The following UGT2A3 variants were observed in gnomAD, a reference collection of about 807,000 sequenced individuals.
UGT2A3 encodes the protein UDP glucuronosyltransferase family 2 member A3, also known as UDP-glucuronosyltransferase 2A3.
Under a neutral mutation model 44.1 loss-of-function variants are expected in UGT2A3, and 55 were observed. The ratio of observed to expected loss-of-function variants is 1.25; its 90% CI spans 1.00 to 1.56. The LOEUF is 1.56. Ranked by LOEUF, UGT2A3 falls within the 40% of genes most tolerant of loss-of-function variation. The probability of loss-of-function intolerance (pLI) is 0.00; values close to 1 mark genes in which losing one functional copy is unlikely to be tolerated. For missense variants in UGT2A3, 733 were observed against 621.6 expected (o/e 1.18, Z -1.91); for synonymous variants, 243 against 215.1 (o/e 1.13, Z -1.13).
intron 1 of UGT2A3, among the ~76,000 whole-genome samples, chr4:68,947,332 A>G (rs937864414): frequency 6.6e-6 from 1 of 151,814 alleles, no homozygotes; most frequent in African/African-American, 2.4e-5. Context: ...TATAAAAAGT[A>G]ACTGTTTAAA....
chr4:68,946,939 A>G (rs1718404862), intron 1 of UGT2A3, among the ~76,000 whole-genome samples: 2 of 151,728 alleles, frequency 1.3e-5, no homozygotes, highest in African/African-American at 4.8e-5. Context: ...AGTATGGCTA[A>G]AAAGTGCTAA....
Position 68,945,383 on chromosome 4 carries a change from CA to C in UGT2A3, c.786del (p.Phe262LeufsTer84). 1 of 1,611,462 alleles carries C rather than the reference CA, an allele frequency of 6.2e-7. No individual in the cohort carries two copies. The highest frequency in any genetic ancestry group is 1.1e-5 in the South Asian group (1 of 90,980). ...EIWLIRTYWDFEFPQPYQPNF... is the reference protein window; with the variant it reads ...EIWLIRTYWDXEFPQPYQPNF... ...TTAGGTTGGTATGGTTGAGGAAATT[CA>C]AAATCCCAATATGTTCGTATTAGCC... On this transcript the variant is annotated frameshift_variant, in exon 2 of 6. Transcript: ENST00000251566. LOFTEE classifies it high-confidence loss of function.
chr4:68,933,434 TCCATCC>T (rs1238042210), intron 2 of UGT2A3, among the ~76,000 whole-genome samples: 3 of 152,034 alleles, frequency 2.0e-5, no homozygotes, highest in African/African-American at 4.8e-5. Context: ...CCTTCTATGT[TCCATCC>T]CACAGGAGGT....
chr4:68,951,781 CTG>C lies in UGT2A3; in HGVS notation c.-23_-22del. On this transcript the variant is annotated 5_prime_UTR_variant, in exon 1 of 6. It adds an upstream start codon to the 5' untranslated region. Transcript: ENST00000251566. ...CTCATGATGGCAGTTCCCTCACACA[CTG>C]ATCTGCAATGGTTTTGTAGTTACTA... The C allele has an allele frequency of 6.5e-7, 1 of 1,532,642 alleles. No homozygotes were observed. The highest frequency in any genetic ancestry group is 8.8e-7 in the Non-Finnish European group (1 of 1,135,014). 94.9% of individuals were successfully genotyped at this position (1,532,642 alleles called of 1,614,324 possible).
intron 3 of UGT2A3, 38 bp downstream of exon 3, chr4:68,932,590 G>A (rs1194357972): frequency 6.3e-7 from 1 of 1,579,552 alleles, no homozygotes; most frequent in African/African-American, 1.4e-5. Flanking sequence ...GTTTCATTAT[G>A]TGAATAGCTG....
chr4:68,944,876 C>T (rs941811448), intron 2 of UGT2A3, among the ~76,000 whole-genome samples: 7 of 151,656 alleles, frequency 4.6e-5, no homozygotes, highest in Non-Finnish European at 8.9e-5. Context: ...TCCTTCATCA[C>T]TTATTTTCTC....
At position 68,942,339 on chromosome 4, in the gene UGT2A3, CTA is replaced by C. The variant is rs1553902025; in HGVS notation, c.864+2965_864+2966del. On this transcript the variant is annotated intron_variant, in intron 2 of 5. Coordinates refer to ENST00000251566, the MANE Select transcript of UGT2A3 (RefSeq NM_024743.4). ...AAAATATCTCTCTCTCTCTCTCTCT[CTA>C]TATATATATATGCAATGAAATGGAT... Among the ~76,000 whole-genome samples the C allele has an allele frequency of 3.3e-3, 443 of 133,288 alleles. 6 individuals carry two copies. Among genetic ancestry groups the C allele is most frequent in the Admixed American group, 0.025 (296 of 11,702 alleles). The allele number at this position is 133,288 out of a possible 152,430, so 87.4% of individuals were successfully genotyped here.
Position 68,928,901 on chromosome 4 carries a change from C to G in UGT2A3, c.*912G>C, listed in dbSNP as rs920311591. On this transcript the variant is annotated 3_prime_UTR_variant, in exon 6 of 6. Coordinates refer to ENST00000251566, the MANE Select transcript of UGT2A3 (RefSeq NM_024743.4). ...CAGTTCACTGATCTTACTTTCAGAACAAGCATCTCTTTATTTTTCTACAGT... is the reference window on the plus strand; with the variant it reads ...CAGTTCACTGATCTTACTTTCAGAAGAAGCATCTCTTTATTTTTCTACAGT... 6.6e-6 allele frequency: 1 copy of G among 151,988 alleles called. No homozygotes were observed. Among genetic ancestry groups the G allele is most frequent in the African/African-American group, 2.4e-5 (1 of 41,418 alleles). 9.4% of individuals were successfully genotyped at this position (151,988 alleles called of 1,614,324 possible). A position where few individuals can be genotyped will look rare whatever the true frequency, so the allele number is the denominator to read the frequency against.
At chr4:68,950,310 A>G (rs1316069015) in intron 1 of UGT2A3, among the ~76,000 whole-genome samples, 1 of 151,926 alleles carries the variant, frequency 6.6e-6, no homozygotes, top group African/African-American at 2.4e-5. Context: ...ATGCATAAGA[A>G]TTCGTTGGAA....
At chr4:68,935,199 C>A (rs957790591) in intron 2 of UGT2A3, among the ~76,000 whole-genome samples, 44 of 148,364 alleles carry the variant, frequency 3.0e-4, no homozygotes, top group Non-Finnish European at 5.7e-4. Flanking sequence ...AAGGCAAAAA[C>A]ACTTCAGTAT....
intron 3 of UGT2A3, among the ~76,000 whole-genome samples, 181 bp downstream of exon 3, chr4:68,932,447 G>T (rs942270048): frequency 2.0e-5 from 3 of 151,836 alleles, no homozygotes; most frequent in Non-Finnish European, 4.4e-5. Flanking sequence ...CAAGAAAGTT[G>T]TTTCCAGTAA....
chr4:68,936,064 G>A (rs10018123), intron 2 of UGT2A3, among the ~76,000 whole-genome samples: 129,590 of 152,050 alleles, frequency 0.85, 57,761 homozygotes, highest in Non-Finnish European at 0.99. Flanking sequence ...GGGACTATGT[G>A]AAAAGACCAA....
chr4:68,930,428 ACT>A (rs1717686218), intron 5 of UGT2A3, 116 bp downstream of exon 5: 1 of 978,784 alleles, frequency 1.0e-6, no homozygotes, highest in Non-Finnish European at 1.5e-6. Context: ...GTGATGAATG[ACT>A]CAATATTGTG....
At chr4:68,946,915 A>G (rs976900490) in intron 1 of UGT2A3, among the ~76,000 whole-genome samples, 3 of 151,756 alleles carry the variant, frequency 2.0e-5, no homozygotes, top group African/African-American at 7.2e-5. Context: ...AGGAATGCAC[A>G]TACCTTAGTT....
chr4:68,940,642 C>G (rs1577851701), intron 2 of UGT2A3, among the ~76,000 whole-genome samples: 1 of 151,024 alleles, frequency 6.6e-6, no homozygotes, highest in Non-Finnish European at 1.5e-5. Flanking sequence ...ACATGTATAC[C>G]TATGTAACTG....
chr4:68,935,761 C>A (rs1174608723), intron 2 of UGT2A3, among the ~76,000 whole-genome samples: 2 of 152,000 alleles, frequency 1.3e-5, no homozygotes, highest in Non-Finnish European at 2.9e-5. Context: ...TAACAAACTT[C>A]TCTGAGCTAA....
intron 2 of UGT2A3, among the ~76,000 whole-genome samples, chr4:68,933,424 C>G (rs537118544): frequency 3.9e-5 from 6 of 152,098 alleles, no homozygotes; most frequent in African/African-American, 4.8e-5. Flanking sequence ...TTGTGAGAAG[C>G]CTTCTATGTT....
At chr4:68,935,762 T>C (rs1717929455) in intron 2 of UGT2A3, among the ~76,000 whole-genome samples, 1 of 151,960 alleles carries the variant, frequency 6.6e-6, no homozygotes, top group Non-Finnish European at 1.5e-5. Context: ...AACAAACTTC[T>C]CTGAGCTAAA....
chr4:68,942,826 T>G lies in UGT2A3; in HGVS notation c.864+2480A>C, dbSNP rs561018830. On this transcript the variant is annotated intron_variant, in intron 2 of 5. Coordinates refer to ENST00000251566, the MANE Select transcript of UGT2A3 (RefSeq NM_024743.4). Reference sequence around the variant, plus strand: ...CGTTTAAATTTGGAAGAATATGTTCTGTTATTATATTAAGTTGTTGGGTAA... The same window carrying G: ...CGTTTAAATTTGGAAGAATATGTTCGGTTATTATATTAAGTTGTTGGGTAA... 4.6e-5 allele frequency among the ~76,000 whole-genome samples: 7 copies of G among 151,726 alleles called. No homozygotes were observed. In the East Asian group the frequency reaches 1.4e-3, roughly 30 times the overall value.
Sources: allele counts gnomAD v4.1 joint callset (sites outside exome capture counted in the v4.1 genomes callset), GRCh38; gene constraint gnomAD v4.1.1; transcripts MANE v1.5; gene names NCBI Gene and HGNC (gene_info 2026-07-23, HGNC 2026-07-21).